The following MTFR1 variants were observed in gnomAD, a reference collection of about 807,000 sequenced individuals.
MTFR1 encodes the protein mitochondrial fission regulator 1.
In MTFR1, 28 loss-of-function variants were observed where a neutral mutation model predicts 38.8. That is an observed-to-expected ratio of 0.72 (90% confidence interval 0.53 to 0.99). The LOEUF (loss-of-function observed/expected upper bound fraction) is 0.99, where lower values mean the gene tolerates loss of function less well. MTFR1 is among the 50% of genes least tolerant of loss of function. The probability of loss-of-function intolerance (pLI) is 0.00; values close to 1 mark genes in which losing one functional copy is unlikely to be tolerated. For synonymous variants in MTFR1, 145 were observed against 137.0 expected (o/e 1.06, Z -0.41); for missense variants, 358 against 395.5 (o/e 0.91, Z 0.81).
At chr8:65,728,961 T>A (rs1469345342) in intron 3 of MTFR1, among the ~76,000 whole-genome samples, 1 of 151,810 alleles carries the variant, frequency 6.6e-6, no homozygotes, top group Non-Finnish European at 1.5e-5. Context: ...AAATCACACA[T>A]GCAAAAAAAT....
intron 3 of MTFR1, among the ~76,000 whole-genome samples, chr8:65,766,781 T>C (rs962502746): frequency 6.6e-6 from 1 of 152,194 alleles, no homozygotes; most frequent in Non-Finnish European, 1.5e-5. Context: ...AGGTTAACGT[T>C]AGCTGAATGA....
intron 3 of MTFR1, among the ~76,000 whole-genome samples, chr8:65,757,476 G>A (rs1295435345): frequency 6.6e-6 from 1 of 152,142 alleles, no homozygotes; most frequent in Non-Finnish European, 1.5e-5. Context: ...CAGGTTTGTA[G>A]GGTTTTTTTA....
chr8:65,772,204 G>A (rs1809118307), downstream of MTFR1, among the ~76,000 whole-genome samples: 1 of 152,238 alleles, frequency 6.6e-6, no homozygotes, highest in African/African-American at 2.4e-5. Flanking sequence ...TTGAGGAGCT[G>A]TAAGCAGAGA....
chr8:65,757,560 T>C (rs938231103), intron 3 of MTFR1, among the ~76,000 whole-genome samples: 3 of 152,230 alleles, frequency 2.0e-5, no homozygotes, highest in Non-Finnish European at 2.9e-5. Context: ...TCTGGAATAA[T>C]TGAGCTAAGA....
At chr8:65,672,978 G>T (rs1425713034) in intron 2 of MTFR1, among the ~76,000 whole-genome samples, 1 of 152,178 alleles carries the variant, frequency 6.6e-6, no homozygotes, top group African/African-American at 2.4e-5. Context: ...TGTGTTCACT[G>T]TAGTAGCACT....
intron 2 of MTFR1, chr8:65,717,694 A>C (rs1028002177): frequency 6.6e-6 from 1 of 152,252 alleles, no homozygotes; most frequent in Non-Finnish European, 1.5e-5. Flanking sequence ...ATGAAAAGAT[A>C]GGTTTTTATT....
At chr8:65,745,609 C>A (rs1341391988) in intron 3 of MTFR1, 3 of 596,248 alleles carry the variant, frequency 5.0e-6, no homozygotes, top group Non-Finnish European at 6.0e-6. Flanking sequence ...TTCTTTTAAT[C>A]ATGACTTTTT....
chr8:65,708,195 C>T (rs949543533), intron 7 of MTFR1, 184 bp downstream of exon 7: 3 of 1,175,022 alleles, frequency 2.6e-6, no homozygotes, highest in African/African-American at 3.1e-5. Context: ...CTTTGCTTAG[C>T]ATTTACACTT....
rs1035117371 is a variant in MTFR1 at position 65,759,100 on chromosome 8, T to C, written c.*49-11847T>C. On this transcript the variant is annotated intron_variant, in intron 3 of 3. Transcript: ENST00000521247. ...TGGACCTCAGGGAGGCACACGGGGA[T>C]ACTTGCTTGCATTTTACGTCTTTTC... 6.6e-5 allele frequency among the ~76,000 whole-genome samples: 10 copies of C among 152,346 alleles called. No homozygotes were observed. In the South Asian group the frequency reaches 8.3e-4, roughly 13 times the overall value.
chr8:65,693,604 C>T, intron 3 of MTFR1, 40 bp from the exon 4 acceptor site: 1 of 1,559,542 alleles, frequency 6.4e-7, no homozygotes. Context: ...CATTTTGGTG[C>T]CATCTTTGGT....
chr8:65,766,317 C>CT (rs1808781703), intron 3 of MTFR1, among the ~76,000 whole-genome samples: 1 of 152,154 alleles, frequency 6.6e-6, no homozygotes, highest in South Asian at 2.1e-4. Flanking sequence ...CTCAAAATAT[C>CT]TTATTTCAAG....
At chr8:65,697,750 A>G (rs111799410) in intron 4 of MTFR1, among the ~76,000 whole-genome samples, 3,178 of 152,316 alleles carry the variant, frequency 0.021, 111 homozygotes, top group African/African-American at 0.072. Context: ...GTATATGGCT[A>G]ATTCAGTTTC....
intron 4 of MTFR1, among the ~76,000 whole-genome samples, chr8:65,698,451 A>T (rs1432226674): frequency 6.6e-6 from 1 of 151,846 alleles, no homozygotes; most frequent in Non-Finnish European, 1.5e-5. Flanking sequence ...TAAATTCGTG[A>T]TTCTTTTCAA....
intron 1 of MTFR1, among the ~76,000 whole-genome samples, chr8:65,649,463 T>C (rs56698878): frequency 0.19 from 29,162 of 152,020 alleles, 2,959 homozygotes; most frequent in Middle Eastern, 0.23. Flanking sequence ...GGATTACAGG[T>C]GTGAGCCACC....
At chr8:65,761,064 CTTT>C (rs748642226) in intron 3 of MTFR1, among the ~76,000 whole-genome samples, 1 of 143,080 alleles carries the variant, frequency 7.0e-6, no homozygotes. Flanking sequence ...ATTGTTTTTT[CTTT>C]TTTTTTTTTT....
chr8:65,683,160 A>G (rs1399834365), intron 3 of MTFR1, among the ~76,000 whole-genome samples: 7 of 136,568 alleles, frequency 5.1e-5, no homozygotes, highest in African/African-American at 2.0e-4. Flanking sequence ...TTGAGATGGA[A>G]TCTTGCCTGT....
intron 3 of MTFR1, chr8:65,689,596 T>C (rs1175675345): frequency 2.8e-5 from 36 of 1,275,784 alleles, no homozygotes; most frequent in Non-Finnish European, 3.4e-5. Flanking sequence ...GCTGGGAACC[T>C]TCAGTAAGTT....
At chr8:65,655,820 G>T (rs187978690) in intron 1 of MTFR1, among the ~76,000 whole-genome samples, 1 of 149,638 alleles carries the variant, frequency 6.7e-6, no homozygotes, top group Non-Finnish European at 1.5e-5. Flanking sequence ...ATGGTGGTGC[G>T]CACCTGTAAT....
At chr8:65,730,171 CTTTTTTTT>C (rs1179431555) in intron 3 of MTFR1, among the ~76,000 whole-genome samples, 5,046 of 86,422 alleles carry the variant, frequency 0.058, 156 homozygotes, top group Non-Finnish European at 0.075. Flanking sequence ...TTGCGCACTT[CTTTTTTTT>C]TTTTTTTTTT....
Sources: allele counts gnomAD v4.1 joint callset (sites outside exome capture counted in the v4.1 genomes callset), GRCh38; gene constraint gnomAD v4.1.1; transcripts MANE v1.5; gene names NCBI Gene and HGNC (gene_info 2026-07-23, HGNC 2026-07-21).